The following ABCC5 variants were observed in gnomAD, a reference collection of about 807,000 sequenced individuals.
ABCC5 encodes ATP-binding cassette sub-family C member 5.
A neutral mutation model predicts 160.9 loss-of-function variants in ABCC5; 61 were observed. The observed-to-expected ratio is 0.38, with a 90% confidence interval of 0.31 to 0.47. ABCC5 has a LOEUF of 0.47. Ranked by LOEUF, ABCC5 falls within the 20% of genes least tolerant of loss-of-function variation. The pLI is 0.99. For synonymous variants in ABCC5, 666 were observed against 700.6 expected (o/e 0.95, Z 0.78); for missense variants, 1,308 against 1,813.3 (o/e 0.72, Z 5.06).
At chr3:183,980,449 G>A (rs1333241807) in intron 8 of ABCC5, among the ~76,000 whole-genome samples, 1 of 152,164 alleles carries the variant, frequency 6.6e-6, no homozygotes, top group Admixed American at 6.5e-5. Context: ...GAGCCAGAAG[G>A]GACCAGTGGC....
chr3:183,993,961 C>CTT (rs746329198), intron 2 of ABCC5, among the ~76,000 whole-genome samples: 42 of 133,180 alleles, frequency 3.2e-4, no homozygotes, highest in Non-Finnish European at 3.9e-4. Flanking sequence ...GGAGATCTCA[C>CTT]TTTTTTTTTT....
At chr3:183,983,057 A>T (rs759499741) in intron 5 of ABCC5, 50 bp from the exon 6 acceptor site, 1 of 1,475,338 alleles carries the variant, frequency 6.8e-7, no homozygotes, top group South Asian at 1.1e-5. Context: ...GCACTCACAC[A>T]CAATGCCATA....
rs142511717 is a variant in ABCC5, at chr3:183,961,061, T to C, written c.2379+450A>G. Among the ~76,000 whole-genome samples, 311 of 152,306 alleles carry C rather than the reference T, an allele frequency of 2.0e-3. 1 individual carries two copies. Among genetic ancestry groups the C allele is most frequent in the African/African-American group, 7.0e-3 (290 of 41,546 alleles). On this transcript the variant is annotated intron_variant, in intron 16 of 29. Transcript: ENST00000334444. ...ACCTCAGCCTCCAAAAATGCTGGGA[T>C]TACCAGCAAGAGCCGCAGCACCTGA...
At chr3:183,934,985 A>T (rs1713547750) in intron 26 of ABCC5, among the ~76,000 whole-genome samples, 1 of 152,252 alleles carries the variant, frequency 6.6e-6, no homozygotes, top group Non-Finnish European at 1.5e-5. Context: ...ATGATGATTT[A>T]AAAAACTAGT....
At chr3:184,014,842 A>G (rs768901246) in intron 1 of ABCC5, among the ~76,000 whole-genome samples, 5 of 152,208 alleles carry the variant, frequency 3.3e-5, no homozygotes, top group Non-Finnish European at 5.9e-5. Flanking sequence ...CCACAATTTT[A>G]AAGTGGACAT....
chr3:184,002,591 A>AG (rs1720840249), intron 2 of ABCC5, among the ~76,000 whole-genome samples: 1 of 152,184 alleles, frequency 6.6e-6, no homozygotes, highest in South Asian at 2.1e-4. Flanking sequence ...CGCCATCCTC[A>AG]GGCCTCAGAT....
At chr3:183,971,532 C>A (rs371638434) in intron 11 of ABCC5, 31 bp downstream of exon 11, 1 of 1,590,918 alleles carries the variant, frequency 6.3e-7, no homozygotes, top group Admixed American at 1.8e-5. Context: ...TGGTGGGGTG[C>A]GGGCAGGGAG....
chr3:184,003,306 G>A (rs1426569696), intron 2 of ABCC5, among the ~76,000 whole-genome samples: 4 of 152,072 alleles, frequency 2.6e-5, no homozygotes, highest in East Asian at 1.9e-4. Flanking sequence ...AGGCCTTCCC[G>A]CCCTTCCTAA....
At chr3:183,936,157 A>ACACCACAGGCATG (rs970132156) in intron 26 of ABCC5, among the ~76,000 whole-genome samples, 2 of 152,118 alleles carry the variant, frequency 1.3e-5, no homozygotes, top group Admixed American at 6.6e-5. Flanking sequence ...CCGCGGGCAC[A>ACACCACAGGCATG]CACCACAGGC....
intron 12 of ABCC5, chr3:183,967,215 G>T: frequency 5.4e-6 from 1 of 186,468 alleles, no homozygotes; most frequent in Non-Finnish European, 1.1e-5. Context: ...CTCCCCAAGG[G>T]CATGACTCTT....
intron 5 of ABCC5, chr3:183,985,625 G>GGTGT: frequency 1.8e-6 from 1 of 557,466 alleles, no homozygotes; most frequent in Non-Finnish European, 3.3e-6. Flanking sequence ...TTTATACACA[G>GGTGT]ATCATAGGTG....
intron 29 of ABCC5, among the ~76,000 whole-genome samples, chr3:183,922,935 T>C (rs1405598252): frequency 1.3e-5 from 2 of 152,152 alleles, no homozygotes; most frequent in Admixed American, 1.3e-4. Context: ...CCCACACTGC[T>C]GAGCTGCACA....
chr3:183,981,993 A>C (rs2872247), intron 7 of ABCC5, 119 bp from the exon 8 acceptor site: 302,534 of 1,060,890 alleles, frequency 0.29, 46,498 homozygotes, highest in Middle Eastern at 0.32. Context: ...AGGATGGGCC[A>C]AATGTTATGT....
At chr3:183,979,097 C>A (rs1718471557) in intron 8 of ABCC5, among the ~76,000 whole-genome samples, 2 of 152,194 alleles carry the variant, frequency 1.3e-5, no homozygotes. Flanking sequence ...AATCCCAGTA[C>A]TTTGGGAGGC....
intron 17 of ABCC5, among the ~76,000 whole-genome samples, chr3:183,955,146 C>A (rs1158262396): frequency 6.6e-6 from 1 of 152,108 alleles, no homozygotes; most frequent in Non-Finnish European, 1.5e-5. Flanking sequence ...AGGTGTCAGA[C>A]CCTCTGGAGA....
intron 24 of ABCC5, among the ~76,000 whole-genome samples, chr3:183,944,792 A>G (rs1016134496): frequency 3.9e-5 from 6 of 152,002 alleles, no homozygotes; most frequent in Non-Finnish European, 8.8e-5. Flanking sequence ...GTGGCCTGAG[A>G]CAATTCTTCT....
At chr3:184,007,044 A>G (rs1467742567) in intron 2 of ABCC5, among the ~76,000 whole-genome samples, 1 of 104,000 alleles carries the variant, frequency 9.6e-6, no homozygotes, top group Non-Finnish European at 1.8e-5. Flanking sequence ...TTTTTTTGAG[A>G]CAGAGTCTTG....
Position 183,971,563 on chromosome 3 carries a change from C to T in ABCC5, c.1761G>A (p.Glu587=). The change falls in exon 11 of 30, where the codon GAG becomes GAA. Residue 587 remains glutamate, a splice_region_variant and synonymous_variant. Transcript: ENST00000334444. Reference sequence around the variant, plus strand: ...GGGAGGCAGGGGGCGGACCACTTACCTCTTGGATCTCCAGATCGATGCTGT... The same window carrying T: ...GGGAGGCAGGGGGCGGACCACTTACTTCTTGGATCTCCAGATCGATGCTGT... ...TLHSIDLEIQ[E]GKLVGICGSV... is the part of the protein sequence containing the mutation. The T allele has an allele frequency of 6.2e-7, 1 of 1,612,850 alleles. No homozygotes were observed. Among genetic ancestry groups the T allele is most frequent in the South Asian group, 1.1e-5 (1 of 90,860 alleles).
At chr3:183,936,247 T>A (rs1161650323) in intron 26 of ABCC5, among the ~76,000 whole-genome samples, 1 of 151,892 alleles carries the variant, frequency 6.6e-6, no homozygotes, top group African/African-American at 2.4e-5. Context: ...AAGACGGCCC[T>A]CAGCAGACAC....
Sources: allele counts gnomAD v4.1 joint callset (sites outside exome capture counted in the v4.1 genomes callset), GRCh38; gene constraint gnomAD v4.1.1; transcripts MANE v1.5; gene names NCBI Gene and HGNC (gene_info 2026-07-23, HGNC 2026-07-21).